C2orf92: variants seen among roughly 807,000 people sequenced by gnomAD.
C2orf92 encodes chromosome 2 open reading frame 92.
At chr2:97,684,031 A>ATTT (rs1204247684) in intron 3 of C2orf92, among the ~76,000 whole-genome samples, 10 of 107,206 alleles carry the variant, frequency 9.3e-5, no homozygotes, top group East Asian at 4.7e-4. Context: ...TGCCCAGCTA[A>ATTT]TTTTTTTTTT....
chr2:97,674,132 TC>T (rs1675500401), intron 1 of C2orf92: 1 of 207,250 alleles, frequency 4.8e-6, no homozygotes, highest in Admixed American at 5.9e-5. Context: ...GGCCCGCTTC[TC>T]TGATATCATT....
At chr2:97,665,474 T>G (rs1413778362), upstream of C2orf92, among the ~76,000 whole-genome samples, 1 of 152,008 alleles carries the variant, frequency 6.6e-6, no homozygotes, top group Non-Finnish European at 1.5e-5. Flanking sequence ...AGCGATTGTT[T>G]ATTGAAAGCT....
At chr2:97,674,676 G>A (rs1426756796) in intron 2 of C2orf92, 119 bp downstream of exon 2, 3 of 394,662 alleles carry the variant, frequency 7.6e-6, no homozygotes, top group Non-Finnish European at 1.3e-5. Context: ...TGGAGGGGGT[G>A]CAAAGCCAAA....
At chr2:97,696,026 G>C (rs1422941623) in intron 5 of C2orf92, among the ~76,000 whole-genome samples, 2 of 152,176 alleles carry the variant, frequency 1.3e-5, no homozygotes, top group African/African-American at 4.8e-5. Flanking sequence ...CCTAACTACT[G>C]ATCTGTCCTA....
intron 7 of C2orf92, among the ~76,000 whole-genome samples, chr2:97,701,683 G>A (rs1248768210): frequency 6.6e-6 from 1 of 152,246 alleles, no homozygotes; most frequent in Non-Finnish European, 1.5e-5. Flanking sequence ...CTGAAGCCAC[G>A]AAGGAGAGTG....
At chr2:97,679,450 A>T (rs1051008436) in intron 3 of C2orf92, among the ~76,000 whole-genome samples, 7 of 152,228 alleles carry the variant, frequency 4.6e-5, no homozygotes, top group Admixed American at 3.3e-4. Flanking sequence ...AAAATTTAAG[A>T]TACTAGGTGT....
chr2:97,696,479 G>C (rs774932038), intron 5 of C2orf92, among the ~76,000 whole-genome samples: 3 of 152,228 alleles, frequency 2.0e-5, no homozygotes, highest in Non-Finnish European at 4.4e-5. Flanking sequence ...GCTCACGCCT[G>C]TAATCCCAGC....
At chr2:97,682,641 G>C (rs754924358) in intron 3 of C2orf92, among the ~76,000 whole-genome samples, 13 of 144,602 alleles carry the variant, frequency 9.0e-5, no homozygotes, top group Non-Finnish European at 1.6e-4. Context: ...TTCTGGAACA[G>C]AAGGATGGTT....
chr2:97,683,076 C>CCACACACACA (rs760650490), intron 3 of C2orf92, among the ~76,000 whole-genome samples: 3,924 of 143,208 alleles, frequency 0.027, 84 homozygotes, highest in East Asian at 0.034. Context: ...CATATAGACT[C>CCACACACACA]CACACACACA....
upstream of C2orf92, chr2:97,664,810 A>G (rs1299948757): frequency 6.6e-6 from 1 of 152,220 alleles, no homozygotes; most frequent in Non-Finnish European, 1.5e-5. Context: ...CCTGAGCTTA[A>G]GCGATCCTCC....
upstream of C2orf92, chr2:97,664,039 CTT>C: frequency 2.8e-6 from 1 of 351,172 alleles, no homozygotes. Context: ...CCCCGCGGGG[CTT>C]TCTGGAGGGC....
At chr2:97,665,731 CTCTCTCTATATATATATATATATATA>C (rs1357409536), upstream of C2orf92, 39 of 23,244 alleles carry the variant, frequency 1.7e-3, no homozygotes, top group Admixed American at 6.1e-3. Flanking sequence ...CTCTCTCTCT[CTCTCTCTATATATATATATATATATA>C]TATATATATA....
intron 3 of C2orf92, among the ~76,000 whole-genome samples, chr2:97,683,134 A>G (rs1405779136): frequency 6.6e-6 from 1 of 151,422 alleles, no homozygotes; most frequent in Non-Finnish European, 1.5e-5. Flanking sequence ...AAACCAGTAA[A>G]TGCATTTAGC....
intron 5 of C2orf92, among the ~76,000 whole-genome samples, chr2:97,697,002 A>C (rs1676326140): frequency 6.6e-6 from 1 of 152,220 alleles, no homozygotes; most frequent in Non-Finnish European, 1.5e-5. Flanking sequence ...AAAGACTTCA[A>C]CTTTTTCTTG....
chr2:97,701,532 G>A (rs1559308841), intron 7 of C2orf92, among the ~76,000 whole-genome samples: 1 of 152,224 alleles, frequency 6.6e-6, no homozygotes, highest in African/African-American at 2.4e-5. Context: ...GGATCCCTGG[G>A]TGGGCCAGGG....
chr2:97,664,034 C>A (rs534336795), upstream of C2orf92: 102 of 375,730 alleles, frequency 2.7e-4, no homozygotes, highest in African/African-American at 1.6e-3. Context: ...GCGAGCCCCG[C>A]GGGGCTTTCT....
chr2:97,690,788 T>C (rs1676110929), intron 5 of C2orf92, among the ~76,000 whole-genome samples: 1 of 148,652 alleles, frequency 6.7e-6, no homozygotes, highest in African/African-American at 2.5e-5. Context: ...TTTTTTTTGT[T>C]TTTTTTTTTG....
chr2:97,667,403 C>G (rs1406434778), upstream of C2orf92, among the ~76,000 whole-genome samples: 1 of 149,974 alleles, frequency 6.7e-6, no homozygotes, highest in African/African-American at 2.5e-5. Context: ...GCTGGGATCA[C>G]AGGTTCCCGC....
At chr2:97,667,574 A>G (rs1675275315), upstream of C2orf92, among the ~76,000 whole-genome samples, 1 of 151,324 alleles carries the variant, frequency 6.6e-6, no homozygotes, top group South Asian at 2.1e-4. Context: ...CTGGGACTAC[A>G]GGCGCCCACC....
Sources: gnomAD v4.1 joint callset for allele counts (sites outside exome capture counted in the v4.1 genomes callset) on GRCh38, gnomAD v4.1.1 for gene constraint, MANE v1.5 for transcripts, NCBI Gene and HGNC (gene_info 2026-07-23, HGNC 2026-07-21) for gene names.